RGS6: variants seen among roughly 807,000 people sequenced by gnomAD.
RGS6 encodes regulator of G protein signaling 6.
A neutral mutation model predicts 78.5 loss-of-function variants in RGS6; 30 were observed. The ratio of observed to expected loss-of-function variants is 0.38; its 90% confidence interval spans 0.29 to 0.52. The LOEUF is 0.52. RGS6 is among the 20% of genes least tolerant of loss of function. The pLI, the probability that RGS6 is intolerant of heterozygous loss-of-function variation, is 0.85. For synonymous variants in RGS6, 206 were observed against 206.0 expected (o/e 1.00, Z 0.00); for missense variants, 495 against 609.7 (o/e 0.81, Z 1.98).
intron 2 of RGS6, among the ~76,000 whole-genome samples, chr14:72,232,283 A>G (rs980652359): frequency 6.6e-6 from 1 of 152,156 alleles, no homozygotes; most frequent in Non-Finnish European, 1.5e-5. Context: ...TGGGGAGAAG[A>G]ACTCTGACCC....
At chr14:72,082,489 T>A (rs1352562800) in intron 2 of RGS6, among the ~76,000 whole-genome samples, 3 of 152,188 alleles carry the variant, frequency 2.0e-5, no homozygotes, top group African/African-American at 7.2e-5. Flanking sequence ...GTTGATTTTG[T>A]ATCCTGCAAC....
chr14:72,415,056 C>G (rs1000524915), intron 3 of RGS6, among the ~76,000 whole-genome samples: 14 of 152,238 alleles, frequency 9.2e-5, no homozygotes, highest in Non-Finnish European at 1.8e-4. Context: ...AACCACTGCT[C>G]TCTTCAAAGC....
intron 3 of RGS6, among the ~76,000 whole-genome samples, chr14:72,447,797 G>C (rs1426377247): frequency 6.6e-6 from 1 of 152,084 alleles, no homozygotes; most frequent in African/African-American, 2.4e-5. Context: ...CCACCTCGCG[G>C]GTTGAAGCAA....
chr14:72,376,202 A>G (rs934421283), intron 3 of RGS6, among the ~76,000 whole-genome samples: 2 of 152,226 alleles, frequency 1.3e-5, no homozygotes, highest in East Asian at 3.8e-4. Flanking sequence ...GAAGAACTCA[A>G]TGAGTGAAAT....
intron 2 of RGS6, among the ~76,000 whole-genome samples, chr14:72,145,500 A>T (rs768433142): frequency 1.3e-5 from 2 of 152,148 alleles, no homozygotes; most frequent in Non-Finnish European, 2.9e-5. Context: ...GGTGGTTTCA[A>T]TGGAGCCTCA....
At chr14:72,508,328 A>G (rs1301014599) in intron 13 of RGS6, among the ~76,000 whole-genome samples, 3 of 152,240 alleles carry the variant, frequency 2.0e-5, no homozygotes, top group Non-Finnish European at 4.4e-5. Context: ...AGTAGCCACT[A>G]GCCACATGTA....
chr14:72,010,407 T>C (rs1371154005), intron 2 of RGS6, among the ~76,000 whole-genome samples: 1 of 152,190 alleles, frequency 6.6e-6, no homozygotes, highest in African/African-American at 2.4e-5. Context: ...ATGAGTTTAA[T>C]GTAGGGAAAA....
chr14:71,995,313 T>A (rs2153198274), intron 2 of RGS6, among the ~76,000 whole-genome samples: 1 of 152,326 alleles, frequency 6.6e-6, no homozygotes, highest in Middle Eastern at 3.4e-3. Context: ...TGGCTATAAT[T>A]GGCCAGATGG....
intron 17 of RGS6, among the ~76,000 whole-genome samples, chr14:72,556,516 G>A (rs1228712997): frequency 2.0e-5 from 3 of 152,162 alleles, no homozygotes; most frequent in Non-Finnish European, 2.9e-5. Flanking sequence ...ATAGAGTAAG[G>A]TGTCTGAGCC....
At position 72,218,213 on chromosome 14, in the gene RGS6, G is replaced by A. The variant is rs113132303; in HGVS notation, c.85-133882G>A. On this transcript the variant is annotated intron_variant, in intron 2 of 17. Transcript: ENST00000553525. ...ATAGATGAGCAGAAATGGGATTTCC[G>A]AGTCAAAGGCTATGTTCATTTTAAA... Among the ~76,000 whole-genome samples, 1,151 of 152,134 alleles carry A rather than the reference G, an allele frequency of 7.6e-3. 11 individuals carry two copies. The highest frequency in any genetic ancestry group is 0.025 in the African/African-American group (1,056 of 41,502).
chr14:71,996,932 C>G (rs1195868151), intron 2 of RGS6, among the ~76,000 whole-genome samples: 1 of 152,044 alleles, frequency 6.6e-6, no homozygotes, highest in African/African-American at 2.4e-5. Flanking sequence ...AGGTGGGGGC[C>G]TGGGCAGAGC....
At position 72,389,440 on chromosome 14, in the gene RGS6, A is replaced by G. The variant is rs765899769; in HGVS notation, c.184+37246A>G. Among the ~76,000 whole-genome samples the G allele has an allele frequency of 2.6e-5, 4 of 152,198 alleles. No homozygotes were observed. The East Asian group carries it at 5.8e-4, about 22-fold the overall frequency. The stretch of plus-strand genomic sequence containing the variant: ...CCGGCTGCTCCCTTGGGGGTAGGCC[A>G]GGACACACACTGGGTGAGAAGCGTG... On this transcript the variant is annotated intron_variant, in intron 3 of 17. Transcript: ENST00000553525.
intron 3 of RGS6, among the ~76,000 whole-genome samples, chr14:72,428,712 C>G (rs540298272): frequency 1.3e-5 from 2 of 152,316 alleles, no homozygotes; most frequent in African/African-American, 4.8e-5. Flanking sequence ...GGTCTTATCT[C>G]TGATTTGAGA....
intron 2 of RGS6, among the ~76,000 whole-genome samples, chr14:72,335,686 G>A (rs866452711): frequency 2.0e-5 from 3 of 152,272 alleles, no homozygotes; most frequent in Middle Eastern, 3.4e-3. Context: ...GGAAGAAGAA[G>A]AATTGTCTTG....
intron 3 of RGS6, among the ~76,000 whole-genome samples, chr14:72,419,097 G>A (rs1237869439): frequency 6.6e-6 from 1 of 152,124 alleles, no homozygotes; most frequent in Non-Finnish European, 1.5e-5. Context: ...GACATGAATG[G>A]GCACCAGGAT....
chr14:72,184,590 A>G (rs768575729), intron 2 of RGS6, among the ~76,000 whole-genome samples: 53 of 152,228 alleles, frequency 3.5e-4, no homozygotes, highest in Non-Finnish European at 6.3e-4. Flanking sequence ...TATCACAGAT[A>G]TTCCAGATCT....
intron 2 of RGS6, among the ~76,000 whole-genome samples, chr14:72,079,801 C>A (rs2094741214): frequency 6.6e-6 from 1 of 152,060 alleles, no homozygotes. Context: ...CTTTCTATGC[C>A]TGGTTCCTTT....
chr14:71,892,648 A>G, the RGS6 span, among the ~76,000 whole-genome samples: 3 of 152,250 alleles, frequency 2.0e-5, no homozygotes, highest in Non-Finnish European at 2.9e-5. Flanking sequence ...TTTACAAACT[A>G]CTTAAACTGT....
intron 2 of RGS6, among the ~76,000 whole-genome samples, chr14:72,171,808 A>G (rs2097023865): frequency 6.6e-6 from 1 of 152,154 alleles, no homozygotes; most frequent in African/African-American, 2.4e-5. Context: ...TTTTATGTGC[A>G]TTTTATCATT....
Sources: allele counts gnomAD v4.1 joint callset (sites outside exome capture counted in the v4.1 genomes callset), GRCh38; gene constraint gnomAD v4.1.1; transcripts MANE v1.5; gene names NCBI Gene and HGNC (gene_info 2026-07-23, HGNC 2026-07-21).